OGFR: variants seen among roughly 807,000 people sequenced by gnomAD.
OGFR encodes protein 7-60.
In OGFR, 18 loss-of-function variants were observed where a neutral mutation model predicts 33.6. That is an observed-to-expected ratio of 0.54 (90% CI 0.37 to 0.80). OGFR has a LOEUF of 0.80. Ranked by LOEUF, OGFR falls within the 30% of genes least tolerant of loss-of-function variation. The probability of loss-of-function intolerance (pLI) is 0.00; values close to 1 mark genes in which losing one functional copy is unlikely to be tolerated. For synonymous variants in OGFR, 370 were observed against 400.7 expected, an observed-to-expected ratio of 0.92 and a Z score of 0.91; for missense variants, 877 against 955.8, an observed-to-expected ratio of 0.92 and a Z score of 1.09.
At position 62,804,970 on chromosome 20, in the gene OGFR, C is replaced by G; in HGVS notation, c.111C>G (p.Asp37Glu). The G allele has an allele frequency of 2.7e-6, 4 of 1,488,970 alleles. No homozygotes were observed. Among genetic ancestry groups the G allele is most frequent in the Non-Finnish European group, 3.6e-6 (4 of 1,120,436 alleles). 92.2% of individuals were successfully genotyped at this position (1,488,970 alleles called of 1,614,324 possible). The change falls in exon 1 of 7, where the codon GAC becomes GAG. Residue 37 changes from aspartate to glutamate, a missense_variant. By Grantham distance (45) the Asp-to-Glu change is conservative (BLOSUM62 2). This residue lies in a region of OGFR where 760 missense variants were observed against 736.0 expected (regional missense o/e 1.03). Coordinates refer to ENST00000290291, the MANE Select transcript of OGFR (RefSeq NM_007346.4). ...AGGCCGCCGGCGCGAGGGACGCGGA[C>G]GCAGGGGACGAGGACGAGGAGTCGG... ...DGEAAGARDA[D>E]AGDEDEESEE...
chr20:62,808,411 C>T (rs1309740584), intron 3 of OGFR, 86 bp downstream of exon 3: 33 of 993,162 alleles, frequency 3.3e-5, no homozygotes, highest in South Asian at 1.3e-4. Flanking sequence ...GGGATGTACC[C>T]GGCGATTACC....
intron 6 of OGFR, among the ~76,000 whole-genome samples, chr20:62,811,828 G>A (rs1285665927): frequency 6.6e-6 from 1 of 152,210 alleles, no homozygotes; most frequent in Non-Finnish European, 1.5e-5. Flanking sequence ...CTGCACCCAG[G>A]AGGTGGCAGT....
rs1351776841 is a variant in OGFR at position 62,804,868 on chromosome 20, C to T, written c.9C>T (p.Asp3=). MD[D]PDCDSTWEED... ...CCCCGCCGCCGCCGAGCATGGACGA[C>T]CCCGACTGCGACTCCACCTGGGAGG... Residue 3 remains aspartate (D), a synonymous_variant, in exon 1 of 7, where the codon GAC becomes GAT. Transcript: ENST00000290291. 3.4e-6 allele frequency: 5 copies of T among 1,482,148 alleles called. No individual in the cohort carries two copies. The highest frequency in any genetic ancestry group is 2.6e-5 in the South Asian group (2 of 78,022). The allele number at this position is 1,482,148 out of a possible 1,614,324, so 91.8% of individuals were successfully genotyped here. A position where few individuals can be genotyped will look rare whatever the true frequency, so the allele number is the denominator to read the frequency against.
intron 6 of OGFR, 125 bp downstream of exon 6, chr20:62,811,735 G>A (rs1357865505): frequency 1.8e-6 from 2 of 1,096,292 alleles, no homozygotes; most frequent in East Asian, 5.2e-5. Flanking sequence ...AATGGACCAA[G>A]GCCCTGAGTC....
Position 62,812,833 on chromosome 20 carries a change from G to A in OGFR, c.1218G>A (p.Glu406=). The change falls in exon 7 of 7, where the codon GAG becomes GAA. Residue 406 remains glutamate (E), a synonymous_variant. Transcript: ENST00000290291. Reference sequence around the variant, plus strand: ...AGCCAGGCCCTCAGAGTGCCTCAGAGGTGGAGAAGATCGCTCTGAATTTGG... The same window carrying A: ...AGCCAGGCCCTCAGAGTGCCTCAGAAGTGGAGAAGATCGCTCTGAATTTGG... ...PTEPGPQSAS[E]VEKIALNLEG... 6.2e-7 allele frequency: 1 copy of A among 1,612,806 alleles called. No individual in the cohort carries two copies. Among genetic ancestry groups the A allele is most frequent in the Non-Finnish European group, 8.5e-7 (1 of 1,179,954 alleles).
At chr20:62,808,394 C>T in intron 3 of OGFR, 69 bp downstream of exon 3, 1 of 1,217,100 alleles carries the variant, frequency 8.2e-7, no homozygotes, top group Non-Finnish European at 1.2e-6. Context: ...CCACTGGGCC[C>T]TGGTTTGGGA....
rs149819528 is a variant in OGFR at position 62,813,745 on chromosome 20, G to A, written c.*96G>A. 11,455 of 1,406,956 alleles carry A rather than the reference G, an allele frequency of 8.1e-3. 66 individuals carry two copies. Among genetic ancestry groups the A allele is most frequent in the Middle Eastern group, 0.016 (78 of 5,032 alleles). 87.2% of individuals were successfully genotyped at this position (1,406,956 alleles called of 1,614,324 possible). A position where few individuals can be genotyped will look rare whatever the true frequency, so the allele number is the denominator to read the frequency against. On this transcript the variant is annotated 3_prime_UTR_variant, in exon 7 of 7. Transcript: ENST00000290291. ...GCGGGCTCCCCTCAGGCTCTGCTTCGTGACCCGTGACCCATGACCCACAGT... is the reference window on the plus strand; with the variant it reads ...GCGGGCTCCCCTCAGGCTCTGCTTCATGACCCGTGACCCATGACCCACAGT...
Position 62,804,976 on chromosome 20 carries a change from G to C in OGFR, c.117G>C (p.Gly39=). 2.0e-6 allele frequency: 3 copies of C among 1,484,302 alleles called. No individual in the cohort carries two copies. The highest frequency in any genetic ancestry group is 2.7e-6 in the Non-Finnish European group (3 of 1,118,778). 91.9% of individuals were successfully genotyped at this position (1,484,302 alleles called of 1,614,324 possible). A position where few individuals can be genotyped will look rare whatever the true frequency, so the allele number is the denominator to read the frequency against. ...CCGGCGCGAGGGACGCGGACGCAGGGGACGAGGACGAGGAGTCGGAGGAGC... is the reference window on the plus strand; with the variant it reads ...CCGGCGCGAGGGACGCGGACGCAGGCGACGAGGACGAGGAGTCGGAGGAGC... The part of the protein sequence containing the change: ...EAAGARDADA[G]DEDEESEEPR... Residue 39 remains glycine (G), a synonymous_variant, in exon 1 of 7, where the codon GGG becomes GGC. Coordinates refer to ENST00000290291, the MANE Select transcript of OGFR (RefSeq NM_007346.4).
At chr20:62,807,699 G>A in intron 2 of OGFR, 94 bp downstream of exon 2, 1 of 1,334,454 alleles carries the variant, frequency 7.5e-7, no homozygotes, top group Admixed American at 1.9e-5. Context: ...GGCTGGCCTG[G>A]CTTGCTGTGC....
rs1437308992 is a variant in OGFR, at chr20:62,804,960, G to A, written c.101G>A (p.Arg34Lys). 1.5e-5 allele frequency: 23 copies of A among 1,491,418 alleles called. No homozygotes were observed. Among genetic ancestry groups the A allele is most frequent in the Non-Finnish European group, 2.1e-5 (23 of 1,121,402 alleles). The allele number at this position is 1,491,418 out of a possible 1,614,324, so 92.4% of individuals were successfully genotyped here. Residue 34 changes from arginine (R) to lysine (K), a missense_variant, in exon 1 of 7, where the codon AGG becomes AAG. By Grantham distance (26) the Arg-to-Lys change is conservative (BLOSUM62 2). Coordinates refer to ENST00000290291, the MANE Select transcript of OGFR (RefSeq NM_007346.4). ...DCEDGEAAGARDADAGDEDEE... is the reference protein window; with the variant it reads ...DCEDGEAAGAKDADAGDEDEE... ...GAGGACGGCGAGGCCGCCGGCGCGA[G>A]GGACGCGGACGCAGGGGACGAGGAC...
chr20:62,806,470 GTGGAGGT>G (rs542094487), intron 1 of OGFR: 58 of 151,304 alleles, frequency 3.8e-4, no homozygotes, highest in African/African-American at 1.4e-3. Flanking sequence ...AACCTGGGAG[GTGGAGGT>G]TGCAGTGAGT....
At chr20:62,810,917 C>G (rs2147185346) in intron 5 of OGFR, among the ~76,000 whole-genome samples, 1 of 152,348 alleles carries the variant, frequency 6.6e-6, no homozygotes, top group African/African-American at 2.4e-5. Flanking sequence ...GATGCAGGGA[C>G]TTAGAGAGCC....
At chr20:62,807,467 G>GC in intron 1 of OGFR, 70 bp from the exon 2 acceptor site, 2 of 1,414,560 alleles carry the variant, frequency 1.4e-6, no homozygotes, top group Admixed American at 3.5e-5. Context: ...AGGCCCTGCA[G>GC]CCCTCACCAC....
In OGFR at chr20:62,813,744, C is replaced by A. The variant is rs370087203; in HGVS notation, c.*95C>A. The A allele has an allele frequency of 2.6e-5, 37 of 1,405,448 alleles. No individual in the cohort carries two copies. The African/African-American group carries it at 5.1e-4, about 19-fold the overall frequency. 87.1% of individuals were successfully genotyped at this position (1,405,448 alleles called of 1,614,324 possible). A position where few individuals can be genotyped will look rare whatever the true frequency, so the allele number is the denominator to read the frequency against. On this transcript the variant is annotated 3_prime_UTR_variant, in exon 7 of 7. Transcript: ENST00000290291. ...TGCGGGCTCCCCTCAGGCTCTGCTT[C>A]GTGACCCGTGACCCATGACCCACAG...
In OGFR at chr20:62,813,735, G is replaced by C. The variant is rs773380413; in HGVS notation, c.*86G>C. ...CGGAGCTGCTGCGGGCTCCCCTCAG[G>C]CTCTGCTTCGTGACCCGTGACCCAT... is the stretch of plus-strand genomic sequence containing the variant. On this transcript the variant is annotated 3_prime_UTR_variant, in exon 7 of 7. Coordinates refer to ENST00000290291, the MANE Select transcript of OGFR (RefSeq NM_007346.4). The C allele has an allele frequency of 3.3e-6, 5 of 1,493,364 alleles. No homozygotes were observed. In the South Asian group the frequency reaches 3.5e-5, roughly 10 times the overall value. The allele number at this position is 1,493,364 out of a possible 1,614,324, so 92.5% of individuals were successfully genotyped here. A position where few individuals can be genotyped will look rare whatever the true frequency, so the allele number is the denominator to read the frequency against.
In OGFR at chr20:62,812,813, G is replaced by A; in HGVS notation, c.1198G>A (p.Gly400Ser). The A allele has an allele frequency of 6.2e-7, 1 of 1,612,708 alleles. No homozygotes were observed. The highest frequency in any genetic ancestry group is 1.1e-5 in the South Asian group (1 of 91,092). The change falls in exon 7 of 7, where the codon GGC (glycine) becomes AGC (serine). Residue 400 changes from glycine to serine, a missense_variant. Coordinates refer to ENST00000290291, the MANE Select transcript of OGFR (RefSeq NM_007346.4). ...SRREQPPTEP[G>S]PQSASEVEKI... ...GCGGGAGCAGCCGCCCACAGAGCCA[G>A]GCCCTCAGAGTGCCTCAGAGGTGGA...
rs1169019384 is a variant in OGFR, at chr20:62,808,270, T to C, written c.264T>C (p.Asn88=). 1.2e-6 allele frequency: 2 copies of C among 1,613,294 alleles called. No homozygotes were observed. Among genetic ancestry groups the C allele is most frequent in the Non-Finnish European group, 1.7e-6 (2 of 1,179,894 alleles). Reference sequence around the variant, plus strand: ...AGGATCTGGTGGAACGAGACTGCAATGGGGACACGCCAAACCTGAGTTTCT... The same window carrying C: ...AGGATCTGGTGGAACGAGACTGCAACGGGGACACGCCAAACCTGAGTTTCT... ...NYPDLVERDC[N]GDTPNLSFYR... is the part of the protein sequence containing the mutation. The change falls in exon 3 of 7, where the codon AAT becomes AAC. Residue 88 remains asparagine, a synonymous_variant. Coordinates refer to ENST00000290291, the MANE Select transcript of OGFR (RefSeq NM_007346.4).
chr20:62,808,204 G>C, intron 2 of OGFR, 43 bp from the exon 3 acceptor site: 1 of 1,489,152 alleles, frequency 6.7e-7, no homozygotes, highest in Non-Finnish European at 9.4e-7. Flanking sequence ...AGGGCAGCTT[G>C]TGTCTGATGG....
At chr20:62,805,159 C>T (rs985016001) in intron 1 of OGFR, 129 bp downstream of exon 1, 3 of 647,732 alleles carry the variant, frequency 4.6e-6, no homozygotes, top group Admixed American at 4.5e-5. Flanking sequence ...CCCCGGGGAC[C>T]CCCCCCCAGA....
Sources: allele counts gnomAD v4.1 joint callset (sites outside exome capture counted in the v4.1 genomes callset), GRCh38; gene constraint gnomAD v4.1.1; regional missense constraint gnomAD v4.1.1; transcripts MANE v1.5; gene names NCBI Gene and HGNC (gene_info 2026-07-23, HGNC 2026-07-21).